MACC1: variants seen among roughly 807,000 people sequenced by gnomAD.
The protein encoded by MACC1 is metastasis-associated in colon cancer protein 1.
A neutral mutation model predicts 70.7 loss-of-function variants in MACC1; 79 were observed. The ratio of observed to expected loss-of-function variants is 1.12; its 90% CI spans 0.93 to 1.35. The LOEUF (loss-of-function observed/expected upper bound fraction) is 1.35. MACC1 is among the 40% of genes most tolerant of loss of function. The pLI, the probability that MACC1 is intolerant of heterozygous loss-of-function variation, is 0.00. For missense variants in MACC1, 1,106 were observed against 978.1 expected, an observed-to-expected ratio of 1.13 and a Z score of -1.74; for synonymous variants, 361 against 347.2, an observed-to-expected ratio of 1.04 and a Z score of -0.44.
rs1781733448 is a variant in MACC1, at chr7:20,137,432, CTTAA to C, written c.*3510_*3513del. ...AATGACACACTATTGAATGCTTCTACTTAATTGTTTCATATAAAGGCTTTAACAC... is the reference window on the plus strand; with the variant it reads ...AATGACACACTATTGAATGCTTCTACTTGTTTCATATAAAGGCTTTAACAC... On this transcript the variant is annotated 3_prime_UTR_variant, in exon 7 of 7. Transcript: ENST00000400331. The C allele has an allele frequency of 6.6e-6, 1 of 152,210 alleles. No individual in the cohort carries two copies. The highest frequency in any genetic ancestry group is 2.1e-4 in the South Asian group (1 of 4,836). 9.4% of individuals were successfully genotyped at this position (152,210 alleles called of 1,614,324 possible). A position where few individuals can be genotyped will look rare whatever the true frequency, so the allele number is the denominator to read the frequency against.
chr7:20,214,757 A>G (rs1783044544), intron 1 of MACC1, among the ~76,000 whole-genome samples: 1 of 152,188 alleles, frequency 6.6e-6, no homozygotes, highest in African/African-American at 2.4e-5. Context: ...ATTGAAACTA[A>G]GTCAAAAAAT....
chr7:20,139,529 A>ACTTAG lies in MACC1; in HGVS notation c.*1412_*1416dup, dbSNP rs1452437126. On this transcript the variant is annotated 3_prime_UTR_variant, in exon 7 of 7. Coordinates refer to ENST00000400331, the MANE Select transcript of MACC1 (RefSeq NM_182762.4). ...GTGTCATTTTTTAAAATTATCTATT[A>ACTTAG]CTTAGCACTACTAAAGTCAGAGTTC... The ACTTAG allele has an allele frequency of 6.6e-6, 1 of 152,154 alleles. No homozygotes were observed. The highest frequency in any genetic ancestry group is 1.5e-5 in the Non-Finnish European group (1 of 68,044). The allele number at this position is 152,154 out of a possible 1,614,324, so 9.4% of individuals were successfully genotyped here. A position where few individuals can be genotyped will look rare whatever the true frequency, so the allele number is the denominator to read the frequency against.
intron 1 of MACC1, among the ~76,000 whole-genome samples, chr7:20,181,691 T>TA (rs1254463429): frequency 1.3e-5 from 2 of 152,150 alleles, no homozygotes; most frequent in Non-Finnish European, 2.9e-5. Flanking sequence ...GATAAAATAT[T>TA]AAAAACATTT....
intron 1 of MACC1, among the ~76,000 whole-genome samples, chr7:20,174,181 A>T (rs1782357864): frequency 6.6e-6 from 1 of 152,220 alleles, no homozygotes; most frequent in Non-Finnish European, 1.5e-5. Flanking sequence ...TATTAAAATT[A>T]AATGATAATG....
At chr7:20,147,347 G>A (rs1194757266) in intron 6 of MACC1, 1 of 152,082 alleles carries the variant, frequency 6.6e-6, no homozygotes, top group Non-Finnish European at 1.5e-5. Flanking sequence ...GAATGCAATT[G>A]GTTTTAACTA....
At chr7:20,201,703 G>A (rs1371727718) in intron 1 of MACC1, among the ~76,000 whole-genome samples, 1 of 151,128 alleles carries the variant, frequency 6.6e-6, no homozygotes, top group African/African-American at 2.4e-5. Flanking sequence ...CTAGGAAAGT[G>A]GTTGTAAGAA....
chr7:20,176,855 C>T (rs573413106), intron 1 of MACC1, among the ~76,000 whole-genome samples: 4 of 152,246 alleles, frequency 2.6e-5, no homozygotes, highest in African/African-American at 9.6e-5. Context: ...ATGACATACT[C>T]TAAATGATAA....
intron 1 of MACC1, among the ~76,000 whole-genome samples, chr7:20,213,595 T>C (rs539855899): frequency 1.4e-4 from 21 of 152,252 alleles, no homozygotes; most frequent in Middle Eastern, 3.4e-3. Context: ...TACATAGCCA[T>C]AAAAAAGAAC....
intron 1 of MACC1, among the ~76,000 whole-genome samples, chr7:20,187,389 T>C (rs1782604397): frequency 6.6e-6 from 1 of 152,162 alleles, no homozygotes; most frequent in Non-Finnish European, 1.5e-5. Context: ...TAATATTTCA[T>C]GGGAATCCTT....
At chr7:20,143,066 G>A (rs1374642176) in intron 6 of MACC1, among the ~76,000 whole-genome samples, 2 of 152,232 alleles carry the variant, frequency 1.3e-5, no homozygotes, top group African/African-American at 2.4e-5. Context: ...TAATTTTGGG[G>A]TTGTCCACTA....
intron 1 of MACC1, among the ~76,000 whole-genome samples, chr7:20,203,079 C>T (rs1215757274): frequency 6.6e-6 from 1 of 152,214 alleles, no homozygotes; most frequent in Non-Finnish European, 1.5e-5. Context: ...TCTAATACCA[C>T]TGATGAAATT....
intron 6 of MACC1, among the ~76,000 whole-genome samples, chr7:20,149,197 T>C (rs569112225): frequency 1.2e-4 from 18 of 152,304 alleles, no homozygotes; most frequent in African/African-American, 4.1e-4. Flanking sequence ...ATTCTGCCAG[T>C]TTCTCAGATG....
chr7:20,169,672 C>T lies in MACC1; in HGVS notation c.-153+1042G>A, dbSNP rs181193742. ...TTTTGTAAAGTAGAAAGAATATAGGCTTTGGAGTTACAATTCTCTGGTTAC... is the reference window on the plus strand; with the variant it reads ...TTTTGTAAAGTAGAAAGAATATAGGTTTTGGAGTTACAATTCTCTGGTTAC... On this transcript the variant is annotated intron_variant, in intron 2 of 6. Coordinates refer to ENST00000400331, the MANE Select transcript of MACC1 (RefSeq NM_182762.4). 2.0e-3 allele frequency among the ~76,000 whole-genome samples: 305 copies of T among 152,272 alleles called. 5 individuals are homozygous for T. The highest frequency in any genetic ancestry group is 0.02 in the Admixed American group (301 of 15,300).
At chr7:20,157,797 G>GAA (rs1345523719) in intron 5 of MACC1, among the ~76,000 whole-genome samples, 2 of 140,446 alleles carry the variant, frequency 1.4e-5, no homozygotes, top group East Asian at 4.1e-4. Flanking sequence ...AAGAAAGAAA[G>GAA]AAAAAAATCC....
At chr7:20,168,048 T>A (rs938496015) in intron 2 of MACC1, among the ~76,000 whole-genome samples, 1 of 152,222 alleles carries the variant, frequency 6.6e-6, no homozygotes, top group African/African-American at 2.4e-5. Flanking sequence ...AGAATGCTCA[T>A]CTTACAGATG....
chr7:20,136,896 ATT>A lies in MACC1; in HGVS notation c.*4048_*4049del, dbSNP rs1781726014. 2.1e-5 allele frequency: 3 copies of A among 140,780 alleles called. No homozygotes were observed. The highest frequency in any genetic ancestry group is 2.1e-4 in the Admixed American group (3 of 14,366). The allele number at this position is 140,780 out of a possible 1,614,324, so 8.7% of individuals were successfully genotyped here. On this transcript the variant is annotated 3_prime_UTR_variant, in exon 7 of 7. Transcript: ENST00000400331. ...ATTATTAATTATAATATTAAATTAT[ATT>A]ATTAATTCTTAAAGATTATTAATTA...
chr7:20,141,084 T>A lies in MACC1; in HGVS notation c.2421A>T (p.Leu807Phe). The stretch of plus-strand genomic sequence containing the variant: ...TGTCCAAAGCTGACTGAAGGTCTTG[T>A]AACACATCTCTGTAGTTATTTCCAT... The part of the protein sequence containing the change: ...AHYGNNYRDV[L>F]QDLQSALDRM... Residue 807 changes from leucine (L) to phenylalanine (F), a missense_variant, in exon 7 of 7, where the codon TTA (leucine) becomes TTT (phenylalanine). Coordinates refer to ENST00000400331, the MANE Select transcript of MACC1 (RefSeq NM_182762.4). The A allele has an allele frequency of 6.2e-7, 1 of 1,613,766 alleles. No homozygotes were observed. The highest frequency in any genetic ancestry group is 1.1e-5 in the South Asian group (1 of 91,062).
chr7:20,166,033 TAAAAG>T (rs1181322412), intron 2 of MACC1, among the ~76,000 whole-genome samples: 1 of 152,216 alleles, frequency 6.6e-6, no homozygotes, highest in Non-Finnish European at 1.5e-5. Flanking sequence ...ACAATACACT[TAAAAG>T]AATTATTTCT....
At chr7:20,214,211 C>T (rs1246664829) in intron 1 of MACC1, among the ~76,000 whole-genome samples, 3 of 152,124 alleles carry the variant, frequency 2.0e-5, no homozygotes, top group Non-Finnish European at 4.4e-5. Flanking sequence ...GTTATCCAGC[C>T]GCTGAAGAAT....
Sources: allele counts gnomAD v4.1 joint callset (sites outside exome capture counted in the v4.1 genomes callset), GRCh38; gene constraint gnomAD v4.1.1; transcripts MANE v1.5; gene names NCBI Gene and HGNC (gene_info 2026-07-23, HGNC 2026-07-21).